The following RFTN1 variants were observed in gnomAD, a reference collection of about 807,000 sequenced individuals.
The protein encoded by RFTN1 is raftlin.
A neutral mutation model predicts 46.5 loss-of-function variants in RFTN1; 26 were observed. The ratio of observed to expected loss-of-function variants is 0.56; its 90% confidence interval spans 0.41 to 0.78. The LOEUF is 0.78. RFTN1 is among the 30% of genes least tolerant of loss of function. RFTN1 has a pLI of 0.00. For missense variants in RFTN1, 693 were observed against 718.7 expected, an observed-to-expected ratio of 0.96 and a Z score of 0.41; for synonymous variants, 261 against 284.2, an observed-to-expected ratio of 0.92 and a Z score of 0.82.
intron 7 of RFTN1, among the ~76,000 whole-genome samples, chr3:16,340,738 C>G (rs1435651266): frequency 6.6e-6 from 1 of 152,190 alleles, no homozygotes; most frequent in African/African-American, 2.4e-5. Flanking sequence ...ATCCCTACCC[C>G]TCACCTTCTT....
rs750061233 is a variant in RFTN1, at chr3:16,489,922, T to C, written c.145+3803A>G. Among the ~76,000 whole-genome samples, 1 of 150,710 alleles carries C rather than the reference T, an allele frequency of 6.6e-6. No individual in the cohort carries two copies. The highest frequency in any genetic ancestry group is 6.6e-5 in the Admixed American group (1 of 15,176). On this transcript the variant is annotated intron_variant, in intron 2 of 9. Transcript: ENST00000334133. The surrounding 1 kb of genome is among the most constrained non-coding windows in gnomAD (Gnocchi z 4.0). The stretch of plus-strand genomic sequence containing the variant: ...GACTCCATGTCAAAAAAAAACAAAA[T>C]AAAGAAAGAAAAATGAGGTGAGGAC...
rs1301085674 is a variant in RFTN1, at chr3:16,450,917, T to C, written c.146-16880A>G. On this transcript the variant is annotated intron_variant, in intron 2 of 9. Transcript: ENST00000334133. The surrounding 1 kb of genome is among the most constrained non-coding windows in gnomAD (Gnocchi z 4.6). ...AGTGGTGACTTTCACCACTTGGTTT[T>C]GGTCCTGTTGACTACAGAGGGCCTC... 6.6e-6 allele frequency among the ~76,000 whole-genome samples: 1 copy of C among 152,214 alleles called. No homozygotes were observed. Among genetic ancestry groups the C allele is most frequent in the African/African-American group, 2.4e-5 (1 of 41,452 alleles).
intron 6 of RFTN1, among the ~76,000 whole-genome samples, chr3:16,359,403 C>G (rs1245410209): frequency 6.6e-6 from 1 of 152,112 alleles, no homozygotes; most frequent in Non-Finnish European, 1.5e-5. Context: ...GGAGACAGAG[C>G]CTTTAGGAAG....
At chr3:16,417,121 C>T (rs1416118174) in intron 3 of RFTN1, among the ~76,000 whole-genome samples, 1 of 151,522 alleles carries the variant, frequency 6.6e-6, no homozygotes, top group Non-Finnish European at 1.5e-5. Flanking sequence ...GCAATCCTCC[C>T]ACCTCAGCCC....
chr3:16,404,878 C>T (rs536024519), intron 4 of RFTN1, among the ~76,000 whole-genome samples: 1 of 152,218 alleles, frequency 6.6e-6, no homozygotes, highest in South Asian at 2.1e-4. Context: ...AGTTCCAGCC[C>T]CTGGACAAAG....
At chr3:16,343,279 G>A (rs1209681097) in intron 7 of RFTN1, among the ~76,000 whole-genome samples, 1 of 152,210 alleles carries the variant, frequency 6.6e-6, no homozygotes, top group East Asian at 1.9e-4. Flanking sequence ...GCATCTGGGA[G>A]TTGACAGTCC....
Position 16,509,218 on chromosome 3 carries a change from T to C in RFTN1, c.-9+4224A>G, listed in dbSNP as rs944723607. The stretch of plus-strand genomic sequence containing the variant: ...CAAACAAACAACAACAAAAAAAAAC[T>C]AAAGAAAATGATTGCAGTGTATCAT... On this transcript the variant is annotated intron_variant, in intron 1 of 9. Coordinates refer to ENST00000334133, the MANE Select transcript of RFTN1 (RefSeq NM_015150.2). The surrounding 1 kb of genome is among the most constrained non-coding windows in gnomAD (Gnocchi z 4.9). Among the ~76,000 whole-genome samples the C allele has an allele frequency of 1.3e-5, 2 of 152,066 alleles. No homozygotes were observed. The highest frequency in any genetic ancestry group is 6.5e-5 in the Admixed American group (1 of 15,274).
intron 7 of RFTN1, among the ~76,000 whole-genome samples, chr3:16,357,240 A>G (rs1261869970): frequency 1.3e-5 from 2 of 152,222 alleles, no homozygotes; most frequent in African/African-American, 4.8e-5. Context: ...ACTAGGCTAA[A>G]AAGTCCATGC....
At position 16,447,774 on chromosome 3, in the gene RFTN1, T is replaced by C. The variant is rs1301777966; in HGVS notation, c.146-13737A>G. Among the ~76,000 whole-genome samples, 2 of 152,184 alleles carry C rather than the reference T, an allele frequency of 1.3e-5. No homozygotes were observed. Among genetic ancestry groups the C allele is most frequent in the Non-Finnish European group, 2.9e-5 (2 of 68,036 alleles). ...GAAGAAAAATACGATCTATCCACCGTTGGCACAAGAAGGGAAAGATGGATT... is the reference window on the plus strand; with the variant it reads ...GAAGAAAAATACGATCTATCCACCGCTGGCACAAGAAGGGAAAGATGGATT... On this transcript the variant is annotated intron_variant, in intron 2 of 9. Transcript: ENST00000334133. This position sits in a 1 kb window ranked among gnomAD's most constrained non-coding sequence, Gnocchi z 5.9.
In RFTN1 at chr3:16,457,887, T is replaced by G. The variant is rs1559357090; in HGVS notation, c.146-23850A>C. ...TTAGGTCATGAGGGCTCAGCCCTTA[T>G]GAGTGGATTAATATCATTATAAAAG... On this transcript the variant is annotated intron_variant, in intron 2 of 9. Transcript: ENST00000334133. The surrounding 1 kb of genome is among the most constrained non-coding windows in gnomAD (Gnocchi z 4.2). Among the ~76,000 whole-genome samples, 1 of 152,194 alleles carries G rather than the reference T, an allele frequency of 6.6e-6. No homozygotes were observed. The highest frequency in any genetic ancestry group is 2.4e-5 in the African/African-American group (1 of 41,436).
chr3:16,316,946 G>C lies in RFTN1; in HGVS notation c.1619C>G (p.Pro540Arg), dbSNP rs1348553926. 6.2e-7 allele frequency: 1 copy of C among 1,613,896 alleles called. No individual in the cohort carries two copies. The highest frequency in any genetic ancestry group is 2.2e-5 in the East Asian group (1 of 44,842). The change falls in exon 10 of 10, where the codon CCT becomes CGT. Residue 540 changes from proline (P) to arginine (R), a missense_variant. Coordinates refer to ENST00000334133, the MANE Select transcript of RFTN1 (RefSeq NM_015150.2). The surrounding 1 kb of genome is among the most constrained non-coding windows in gnomAD (Gnocchi z 4.5). ...GVEGEAVQNG[P>R]ASHSRALVGI... ...CACCAGGGCCCTGCTGTGGCTGGCA[G>C]GACCATTCTGCACAGCCTCACCCTC...
In RFTN1 at chr3:16,356,692, C is replaced by G. The variant is rs1346828909; in HGVS notation, c.1146+1240G>C. Among the ~76,000 whole-genome samples, 1 of 152,184 alleles carries G rather than the reference C, an allele frequency of 6.6e-6. No homozygotes were observed. The highest frequency in any genetic ancestry group is 3.2e-3 in the Middle Eastern group (1 of 316). On this transcript the variant is annotated intron_variant, in intron 7 of 9. Coordinates refer to ENST00000334133, the MANE Select transcript of RFTN1 (RefSeq NM_015150.2). The surrounding 1 kb of genome is among the most constrained non-coding windows in gnomAD (Gnocchi z 4.9). ...GCAAGCACTGGCTGTCTAGAGGGTC[C>G]CAGTGCCCCACACTCCTCACAAAGG...
rs898614770 is a variant in RFTN1 at position 16,424,186 on chromosome 3, C to T, written c.332+9665G>A. ...GATGTTTCTATAAGCTCTGGGGCCT[C>T]TGAGTTGAAAGATGATGTATTTCTG... On this transcript the variant is annotated intron_variant, in intron 3 of 9. Transcript: ENST00000334133. The surrounding 1 kb of genome is among the most constrained non-coding windows in gnomAD (Gnocchi z 4.7). Among the ~76,000 whole-genome samples, 10 of 152,166 alleles carry T rather than the reference C, an allele frequency of 6.6e-5. No individual in the cohort carries two copies. The highest frequency in any genetic ancestry group is 5.2e-4 in the Admixed American group (8 of 15,280).
chr3:16,338,364 ACT>A lies in RFTN1; in HGVS notation c.1147-11490_1147-11489del, dbSNP rs376391998. Reference sequence around the variant, plus strand: ...GGCTAAGGGGCGATGGCTGGGGCCAACTCTGACCCGTAGCAGGGACAGGCACT... The same window carrying A: ...GGCTAAGGGGCGATGGCTGGGGCCAACTGACCCGTAGCAGGGACAGGCACT... On this transcript the variant is annotated intron_variant, in intron 7 of 9. Coordinates refer to ENST00000334133, the MANE Select transcript of RFTN1 (RefSeq NM_015150.2). This position sits in a 1 kb window ranked among gnomAD's most constrained non-coding sequence, Gnocchi z 5.3. 1.1e-3 allele frequency among the ~76,000 whole-genome samples: 162 copies of A among 152,306 alleles called. No individual in the cohort carries two copies. The highest frequency in any genetic ancestry group is 3.7e-3 in the African/African-American group (153 of 41,564).
rs114196628 is a variant in RFTN1, at chr3:16,380,038, A to G, written c.442-1936T>C. Among the ~76,000 whole-genome samples, 2,734 of 152,296 alleles carry G rather than the reference A, an allele frequency of 0.018. 36 individuals are homozygous for G. The highest frequency in any genetic ancestry group is 0.026 in the Non-Finnish European group (1,735 of 68,020). ...CTCTCTTACTGCAGAGGAAACAGCT[A>G]TGACTTCTGAAGCATTTTAATAACT... On this transcript the variant is annotated intron_variant, in intron 4 of 9. Transcript: ENST00000334133. The surrounding 1 kb of genome is among the most constrained non-coding windows in gnomAD (Gnocchi z 4.8).
chr3:16,455,068 G>A (rs114829842), intron 2 of RFTN1, among the ~76,000 whole-genome samples: 33 of 152,206 alleles, frequency 2.2e-4, no homozygotes, highest in African/African-American at 5.1e-4. Flanking sequence ...GAGGGCTGGC[G>A]GCCAGCAACC....
rs1047028187 is a variant in RFTN1 at position 16,475,535 on chromosome 3, A to T, written c.145+18190T>A. On this transcript the variant is annotated intron_variant, in intron 2 of 9. Transcript: ENST00000334133. This position sits in a 1 kb window ranked among gnomAD's most constrained non-coding sequence, Gnocchi z 4.2. ...CTACTGGGTGAGGTGAATGATCCCA[A>T]TTTCCACAGGGAAACTGGACTGGTG... 6.6e-6 allele frequency among the ~76,000 whole-genome samples: 1 copy of T among 152,190 alleles called. No individual in the cohort carries two copies. Among genetic ancestry groups the T allele is most frequent in the Non-Finnish European group, 1.5e-5 (1 of 68,020 alleles).
intron 4 of RFTN1, among the ~76,000 whole-genome samples, chr3:16,390,967 C>T (rs1376586309): frequency 1.3e-5 from 2 of 152,176 alleles, no homozygotes; most frequent in Non-Finnish European, 2.9e-5. Context: ...ACTCCCTGTA[C>T]CCCCCATGAC....
rs1223226238 is a variant in RFTN1, at chr3:16,381,577, C to T, written c.442-3475G>A. Among the ~76,000 whole-genome samples, 1 of 151,950 alleles carries T rather than the reference C, an allele frequency of 6.6e-6. No homozygotes were observed. The highest frequency in any genetic ancestry group is 1.5e-5 in the Non-Finnish European group (1 of 68,000). ...AATTTTTTTTTTCCAAAATGCCATG[C>T]TAGACAAAACCTATTTGGGACCTAC... is the stretch of plus-strand genomic sequence containing the variant. On this transcript the variant is annotated intron_variant, in intron 4 of 9. Transcript: ENST00000334133. The surrounding 1 kb of genome is among the most constrained non-coding windows in gnomAD (Gnocchi z 4.2).
Sources: gnomAD v4.1 joint callset for allele counts (sites outside exome capture counted in the v4.1 genomes callset) on GRCh38, gnomAD v4.1.1 for gene constraint, Gnocchi (gnomAD v3.1) non-coding constraint, MANE v1.5 for transcripts, NCBI Gene and HGNC (gene_info 2026-07-23, HGNC 2026-07-21) for gene names.